EFR3B: variants seen among roughly 807,000 people sequenced by gnomAD.
EFR3B encodes protein EFR3 homolog B.
In EFR3B, 64 loss-of-function variants were observed where a neutral mutation model predicts 104.7. That is an observed-to-expected ratio of 0.61 (90% confidence interval 0.50 to 0.75). EFR3B has a LOEUF of 0.75. Ranked by LOEUF, EFR3B falls within the 30% of genes least tolerant of loss-of-function variation. The pLI is 0.00. For missense variants in EFR3B, 750 were observed against 1,078.5 expected (o/e 0.70, Z 4.27); for synonymous variants, 385 against 417.9 (o/e 0.92, Z 0.96).
intron 5 of EFR3B, among the ~76,000 whole-genome samples, chr2:25,122,103 A>C (rs994606621): frequency 1.3e-5 from 2 of 151,906 alleles, no homozygotes. Context: ...AGTAGCTGGG[A>C]TTACAGATGT....
At chr2:25,048,634 G>A (rs1029159090) in intron 1 of EFR3B, among the ~76,000 whole-genome samples, 1 of 151,990 alleles carries the variant, frequency 6.6e-6, no homozygotes, top group Admixed American at 6.6e-5. Context: ...AGCTGTTCCA[G>A]TATAATACAA....
intron 1 of EFR3B, among the ~76,000 whole-genome samples, chr2:25,079,469 G>T (rs932886472): frequency 3.9e-5 from 6 of 152,226 alleles, no homozygotes; most frequent in African/African-American, 1.2e-4. Flanking sequence ...TGTAAAATGA[G>T]AATAATAGTA....
Position 25,137,229 on chromosome 2 carries a change from AG to A in EFR3B, c.1561-107del, listed in dbSNP as rs1670539628. 2 of 1,241,636 alleles carry A rather than the reference AG, an allele frequency of 1.6e-6. No individual in the cohort carries two copies. The highest frequency in any genetic ancestry group is 1.1e-6 in the Non-Finnish European group (1 of 895,198). The allele number at this position is 1,241,636 out of a possible 1,614,324, so 76.9% of individuals were successfully genotyped here. ...AAAGGCATCCCCTCCCCAAGGGAGG[AG>A]GGGGCACACAGCCATCCTGCCCCCC... On this transcript the variant is annotated intron_variant, in intron 14 of 22. Coordinates refer to ENST00000403714, the MANE Select transcript of EFR3B (RefSeq NM_014971.2). The surrounding 1 kb of genome is among the most constrained non-coding windows in gnomAD (Gnocchi z 4.7).
intron 1 of EFR3B, among the ~76,000 whole-genome samples, chr2:25,066,637 C>A (rs1365198040): frequency 1.3e-5 from 2 of 152,266 alleles, no homozygotes; most frequent in African/African-American, 4.8e-5. Flanking sequence ...CGCTGGCTCT[C>A]TGACCTCAGT....
At chr2:25,145,659 A>G (rs1050671352) in intron 19 of EFR3B, 2 of 152,958 alleles carry the variant, frequency 1.3e-5, no homozygotes. Flanking sequence ...TAGAAGACTT[A>G]ACTGGAGAGA....
intron 17 of EFR3B, among the ~76,000 whole-genome samples, chr2:25,141,734 T>C (rs1239171790): frequency 1.3e-5 from 2 of 152,222 alleles, no homozygotes; most frequent in Non-Finnish European, 2.9e-5. Context: ...GACAAGACAT[T>C]ACTGTAAATC....
chr2:25,152,842 GTA>G (rs1331027470), intron 21 of EFR3B, among the ~76,000 whole-genome samples: 3 of 93,218 alleles, frequency 3.2e-5, no homozygotes, highest in African/African-American at 5.8e-5. Context: ...GTGTGTGTGT[GTA>G]TATAAAACAC....
chr2:25,058,628 G>A (rs1668089677), intron 1 of EFR3B, among the ~76,000 whole-genome samples: 1 of 151,930 alleles, frequency 6.6e-6, no homozygotes, highest in Admixed American at 6.6e-5. Context: ...GCATGGTGGC[G>A]AGTGCCTGTA....
chr2:25,110,662 G>A (rs1476008829), intron 4 of EFR3B, among the ~76,000 whole-genome samples: 2 of 152,142 alleles, frequency 1.3e-5, no homozygotes, highest in East Asian at 3.8e-4. Flanking sequence ...CTCTTGCAGT[G>A]TAGAAATAAA....
rs1667602688 is a variant in EFR3B, at chr2:25,042,595, C to T, written c.7+276C>T. The T allele has an allele frequency of 2.5e-6, 3 of 1,191,154 alleles. No individual in the cohort carries two copies. Among genetic ancestry groups the T allele is most frequent in the Non-Finnish European group, 2.1e-6 (2 of 962,242 alleles). The allele number at this position is 1,191,154 out of a possible 1,614,324, so 73.8% of individuals were successfully genotyped here. On this transcript the variant is annotated intron_variant, in intron 1 of 22. Coordinates refer to ENST00000403714, the MANE Select transcript of EFR3B (RefSeq NM_014971.2). This position sits in a 1 kb window ranked among gnomAD's most constrained non-coding sequence, Gnocchi z 5.4. ...CGGAGGCTCAGGGGAAAGCGGGTCTCCCGGAGCCGAGCAGACCGGGAGTGC... is the reference window on the plus strand; with the variant it reads ...CGGAGGCTCAGGGGAAAGCGGGTCTTCCGGAGCCGAGCAGACCGGGAGTGC...
chr2:25,143,271 A>G (rs940766135), intron 17 of EFR3B, among the ~76,000 whole-genome samples: 1 of 152,210 alleles, frequency 6.6e-6, no homozygotes, highest in African/African-American at 2.4e-5. Context: ...AATATATTAT[A>G]AAATGAATAG....
intron 1 of EFR3B, among the ~76,000 whole-genome samples, chr2:25,045,048 T>C (rs191375700): frequency 6.9e-4 from 105 of 152,332 alleles, no homozygotes; most frequent in African/African-American, 2.4e-3. Context: ...TCTGTCTACC[T>C]TCCAGGTCTG....
chr2:25,138,354 G>A (rs1282167185), intron 15 of EFR3B, among the ~76,000 whole-genome samples: 6 of 152,174 alleles, frequency 3.9e-5, no homozygotes, highest in South Asian at 2.1e-4. Context: ...GTGTGGCACC[G>A]GACAGGGCTT....
intron 4 of EFR3B, among the ~76,000 whole-genome samples, chr2:25,119,850 G>T (rs1669965481): frequency 6.6e-6 from 1 of 152,172 alleles, no homozygotes; most frequent in Non-Finnish European, 1.5e-5. Context: ...CAACTTTTAA[G>T]TTGTTAAATA....
chr2:25,103,100 T>C (rs1350125082), intron 3 of EFR3B, among the ~76,000 whole-genome samples: 5 of 152,176 alleles, frequency 3.3e-5, no homozygotes, highest in African/African-American at 1.2e-4. Flanking sequence ...GGAAACCTCA[T>C]GGGCCATCAT....
chr2:25,091,837 A>C (rs1004885342), intron 2 of EFR3B, among the ~76,000 whole-genome samples: 1 of 152,134 alleles, frequency 6.6e-6, no homozygotes, highest in African/African-American at 2.4e-5. Context: ...GGTGTCTGCC[A>C]GGTGTCTAGG....
In EFR3B at chr2:25,155,905, G is replaced by C. The variant is rs1244917062; in HGVS notation, c.*1565G>C. 1 of 150,604 alleles carries C rather than the reference G, an allele frequency of 6.6e-6. No individual in the cohort carries two copies. Among genetic ancestry groups the C allele is most frequent in the Non-Finnish European group, 1.5e-5 (1 of 67,950 alleles). The allele number at this position is 150,604 out of a possible 1,614,324, so 9.3% of individuals were successfully genotyped here. On this transcript the variant is annotated 3_prime_UTR_variant, in exon 23 of 23. Coordinates refer to ENST00000403714, the MANE Select transcript of EFR3B (RefSeq NM_014971.2). ...GGGGTCTCACTATGTTGCCCAGGCT[G>C]GCCTCGAACTCCTGAGTTTAAGTGA...
At chr2:25,112,857 G>A (rs948040411) in intron 4 of EFR3B, among the ~76,000 whole-genome samples, 5 of 152,200 alleles carry the variant, frequency 3.3e-5, no homozygotes, top group Non-Finnish European at 5.9e-5. Context: ...TTCTGTCACT[G>A]ACAGCAGGAA....
rs1451041979 is a variant in EFR3B at position 25,062,992 on chromosome 2, C to T, written c.7+20673C>T. On this transcript the variant is annotated intron_variant, in intron 1 of 22. Coordinates refer to ENST00000403714, the MANE Select transcript of EFR3B (RefSeq NM_014971.2). The stretch of plus-strand genomic sequence containing the variant: ...AGGCTGGCGTGTAGTGGCGCGACCT[C>T]GGCTCACTGCAACCTCCGCCTCCCA... Among the ~76,000 whole-genome samples, 6 of 152,098 alleles carry T rather than the reference C, an allele frequency of 3.9e-5. No individual in the cohort carries two copies. In the South Asian group the frequency reaches 1.0e-3, roughly 26 times the overall value.
Sources: allele counts gnomAD v4.1 joint callset (sites outside exome capture counted in the v4.1 genomes callset), GRCh38; gene constraint gnomAD v4.1.1; non-coding constraint Gnocchi (gnomAD v3.1); transcripts MANE v1.5; gene names NCBI Gene and HGNC (gene_info 2026-07-23, HGNC 2026-07-21).